Variants in ABL1 observed in about 807,000 individuals in gnomAD.
ABL1 encodes ABL proto-oncogene 1, non-receptor tyrosine kinase, also known as tyrosine-protein kinase ABL1.
In ABL1, 11 loss-of-function variants were observed where a neutral mutation model predicts 94.7. The ratio of observed to expected loss-of-function variants is 0.12; its 90% confidence interval spans 0.07 to 0.19. ABL1 has a LOEUF of 0.19. ABL1 is among the 10% of genes least tolerant of loss of function. ABL1 has a pLI of 1.00. For missense variants in ABL1, 1,082 were observed against 1,489.4 expected, an observed-to-expected ratio of 0.73 and a Z score of 4.50; for synonymous variants, 656 against 622.4, an observed-to-expected ratio of 1.05 and a Z score of -0.80.
intron 1 of ABL1, among the ~76,000 whole-genome samples, chr9:130,839,152 A>G: frequency 6.6e-6 from 1 of 151,082 alleles, no homozygotes; most frequent in Non-Finnish European, 1.5e-5. Flanking sequence ...GTGTTGAACT[A>G]CTGGCCTCAA....
chr9:130,884,530 T>C lies in ABL1; in HGVS notation c.2240T>C (p.Phe747Ser). The C allele has an allele frequency of 6.2e-7, 1 of 1,613,156 alleles. No homozygotes were observed. ...PRDLQSTGRQ[F>S]DSSTFGGHKS... ...GACTTGCAGTCCACGGGAAGACAGTTTGACTCGTCCACATTTGGAGGGCAC... is the reference window on the plus strand; with the variant it reads ...GACTTGCAGTCCACGGGAAGACAGTCTGACTCGTCCACATTTGGAGGGCAC... Residue 747 changes from phenylalanine (F) to serine (S), a missense_variant, in exon 11 of 11, where the codon TTT becomes TCT. By Grantham distance (155) the Phe-to-Ser change is radical (BLOSUM62 -2). This residue lies in a region of ABL1 where 780 missense variants were observed against 835.8 expected (regional missense o/e 0.93). Transcript: ENST00000318560. The surrounding 1 kb of genome is among the most constrained non-coding windows in gnomAD (Gnocchi z 5.6).
chr9:130,719,041 A>G (rs1206073938), intron 1 of ABL1, among the ~76,000 whole-genome samples: 1 of 152,126 alleles, frequency 6.6e-6, no homozygotes, highest in Non-Finnish European at 1.5e-5. Flanking sequence ...ATTTTTGTAA[A>G]ACAAAAATAT....
intron 1 of ABL1, among the ~76,000 whole-genome samples, chr9:130,747,489 C>T (rs1831902942): frequency 6.6e-6 from 1 of 152,194 alleles, no homozygotes; most frequent in Admixed American, 6.5e-5. Context: ...CCTCAGCTCA[C>T]TGCAACCTCT....
intron 1 of ABL1, among the ~76,000 whole-genome samples, chr9:130,788,090 T>C (rs961597540): frequency 7.2e-5 from 11 of 152,224 alleles, no homozygotes; most frequent in African/African-American, 2.7e-4. Context: ...TAAAATAAAA[T>C]TTAGGTTCCT....
chr9:130,858,104 G>A (rs1392347853), intron 3 of ABL1, among the ~76,000 whole-genome samples: 2 of 151,856 alleles, frequency 1.3e-5, no homozygotes. Context: ...AGTCACTTGA[G>A]GTTTGCACCG....
At chr9:130,765,303 C>A (rs1186375267) in intron 1 of ABL1, among the ~76,000 whole-genome samples, 1 of 152,100 alleles carries the variant, frequency 6.6e-6, no homozygotes, top group Admixed American at 6.5e-5. Flanking sequence ...AGTGCTACAG[C>A]CAGCAACCCG....
intron 1 of ABL1, among the ~76,000 whole-genome samples, chr9:130,719,461 C>T (rs538509947): frequency 2.0e-5 from 3 of 151,942 alleles, no homozygotes; most frequent in Non-Finnish European, 2.9e-5. Flanking sequence ...CCCAGGAGGT[C>T]GAGGTTGCAA....
chr9:130,736,490 T>A (rs550818392), intron 1 of ABL1, among the ~76,000 whole-genome samples: 75 of 152,228 alleles, frequency 4.9e-4, no homozygotes, highest in Non-Finnish European at 8.2e-4. Flanking sequence ...AACATTGTTT[T>A]GTTTTGTTTT....
At chr9:130,734,701 T>A (rs987240043) in intron 1 of ABL1, among the ~76,000 whole-genome samples, 1 of 151,906 alleles carries the variant, frequency 6.6e-6, no homozygotes, top group Non-Finnish European at 1.5e-5. Context: ...TTTGTATTTT[T>A]AGTAGAGACA....
chr9:130,800,927 C>A (rs1161458917), intron 1 of ABL1, among the ~76,000 whole-genome samples: 2 of 74,736 alleles, frequency 2.7e-5, no homozygotes, highest in Non-Finnish European at 5.3e-5. Context: ...CTTTTTCTTT[C>A]CTTTTTTTTT....
At chr9:130,817,782 T>C (rs57217317) in intron 1 of ABL1, among the ~76,000 whole-genome samples, 5,388 of 152,320 alleles carry the variant, frequency 0.035, 303 homozygotes, top group African/African-American at 0.12. Flanking sequence ...GGTTCATTCC[T>C]TTCTATTGCT....
At chr9:130,733,284 A>G (rs756710949) in intron 1 of ABL1, among the ~76,000 whole-genome samples, 12 of 152,214 alleles carry the variant, frequency 7.9e-5, no homozygotes, top group Non-Finnish European at 1.2e-4. Flanking sequence ...AGTCAAAACA[A>G]ACAACTCCCA....
Position 130,848,590 on chromosome 9 carries a change from TAAC to T in ABL1, c.80-5468_80-5466del, listed in dbSNP as rs552899161. Among the ~76,000 whole-genome samples the T allele has an allele frequency of 1.2e-3, 187 of 151,732 alleles. 1 individual carries two copies. Among genetic ancestry groups the T allele is most frequent in the Non-Finnish European group, 2.1e-3 (144 of 67,938 alleles). ...TATGTTTGTCATTGTTTTCTAGTAA[TAAC>T]AACAATCCACATTTTTTGTGAGAAA... On this transcript the variant is annotated intron_variant, in intron 1 of 10. Transcript: ENST00000318560.
At position 130,775,022 on chromosome 9, in the gene ABL1, CTTTG is replaced by C. The variant is rs1014873159; in HGVS notation, c.136+60572_136+60575del. Among the ~76,000 whole-genome samples the C allele has an allele frequency of 1.9e-4, 29 of 152,282 alleles. 1 individual carries two copies. Among genetic ancestry groups the C allele is most frequent in the Admixed American group, 7.8e-4 (12 of 15,294 alleles). The stretch of plus-strand genomic sequence containing the variant: ...TATTCTAAGCATGCCTTCTTTTAAA[CTTTG>C]TTTGAATTTACCTGGCCTCTGTAGT... On this transcript the variant is annotated intron_variant, in intron 1 of 10. Coordinates refer to the ABL1 transcript ENST00000372348.
In ABL1 at chr9:130,880,674, C is replaced by T. The variant is rs757750633; in HGVS notation, c.1678+10C>T. On this transcript the variant is annotated intron_variant, in intron 10 of 10. Coordinates refer to ENST00000318560, the MANE Select transcript of ABL1 (RefSeq NM_005157.6). The surrounding 1 kb of genome is among the most constrained non-coding windows in gnomAD (Gnocchi z 4.4). ...GGCCAGGGAGAGAGCGGTAAGTCCC[C>T]CGCTTCCCCCAACCCCACTGCTCTT... 15 of 1,612,102 alleles carry T rather than the reference C, an allele frequency of 9.3e-6. No individual in the cohort carries two copies. Among genetic ancestry groups the T allele is most frequent in the Admixed American group, 1.7e-5 (1 of 59,876 alleles).
Position 130,868,317 on chromosome 9 carries a change from G to A in ABL1, c.823-3812G>A, listed in dbSNP as rs571786814. 2.5e-4 allele frequency among the ~76,000 whole-genome samples: 38 copies of A among 152,136 alleles called. No homozygotes were observed. The South Asian group carries it at 7.7e-3, about 31-fold the overall frequency. On this transcript the variant is annotated intron_variant, in intron 4 of 10. Coordinates refer to ENST00000318560, the MANE Select transcript of ABL1 (RefSeq NM_005157.6). ...TTCATCTGATGGGTGAAGGAATATT[G>A]GAAATAAGGATAATCCCTGTGGTGT...
In ABL1 at chr9:130,880,504, G is replaced by C. The variant is rs1447590479; in HGVS notation, c.1518G>C (p.Val506=). The stretch of plus-strand genomic sequence containing the variant: ...CTGTCCCTGTATGATTCTTAGAAGT[G>C]GAAAAGGAGCTGGGGAAACAAGGCG... The part of the protein sequence containing the change: ...MFQESSISDE[V]EKELGKQGVR... Residue 506 remains valine, a synonymous_variant, in exon 10 of 11, where the codon GTG becomes GTC. Coordinates refer to ENST00000318560, the MANE Select transcript of ABL1 (RefSeq NM_005157.6). The surrounding 1 kb of genome is among the most constrained non-coding windows in gnomAD (Gnocchi z 4.4). 6.2e-7 allele frequency: 1 copy of C among 1,613,906 alleles called. No individual in the cohort carries two copies. Among genetic ancestry groups the C allele is most frequent in the Admixed American group, 1.7e-5 (1 of 59,978 alleles).
intron 3 of ABL1, among the ~76,000 whole-genome samples, chr9:130,859,282 A>G (rs1831024895): frequency 6.6e-6 from 1 of 152,114 alleles, no homozygotes; most frequent in Non-Finnish European, 1.5e-5. Flanking sequence ...CCCAGTTGAC[A>G]TTTATTTTCA....
intron 1 of ABL1, among the ~76,000 whole-genome samples, chr9:130,715,742 A>G (rs1172732936): frequency 1.3e-5 from 2 of 152,222 alleles, no homozygotes; most frequent in East Asian, 1.9e-4. Context: ...TTTGAAATGT[A>G]CGTGCCAATG....
Sources: allele counts gnomAD v4.1 joint callset (sites outside exome capture counted in the v4.1 genomes callset), GRCh38; gene constraint gnomAD v4.1.1; regional missense constraint gnomAD v4.1.1; non-coding constraint Gnocchi (gnomAD v3.1); transcripts MANE v1.5; gene names NCBI Gene and HGNC (gene_info 2026-07-23, HGNC 2026-07-21).